Variants in INPP4B observed in about 807,000 individuals in gnomAD.
The protein encoded by INPP4B is inositol polyphosphate 4-phosphatase type II.
INPP4B carries 55 observed loss-of-function variants against 122.5 expected under a neutral mutation model. That is an observed-to-expected ratio of 0.45 (90% confidence interval 0.36 to 0.56). The LOEUF (loss-of-function observed/expected upper bound fraction) is 0.56. INPP4B is among the 20% of genes least tolerant of loss of function. INPP4B has a pLI of 0.00. For missense variants in INPP4B, 1,000 were observed against 1,097.7 expected (o/e 0.91, Z 1.26); for synonymous variants, 403 against 388.7 (o/e 1.04, Z -0.43).
At chr4:142,114,244 C>T (rs10018345) in intron 21 of INPP4B, among the ~76,000 whole-genome samples, 20,140 of 151,788 alleles carry the variant, frequency 0.13, 1,507 homozygotes, top group East Asian at 0.24. Flanking sequence ...CATGATTCGG[C>T]GTATTATTAA....
chr4:142,665,972 C>T (rs1484879862), intron 2 of INPP4B, among the ~76,000 whole-genome samples: 5 of 152,030 alleles, frequency 3.3e-5, no homozygotes, highest in Admixed American at 6.6e-5. Flanking sequence ...GAAACAATAA[C>T]AAATAATAGA....
intron 9 of INPP4B, among the ~76,000 whole-genome samples, chr4:142,277,191 T>C (rs1035319254): frequency 6.6e-6 from 1 of 151,888 alleles, no homozygotes; most frequent in African/African-American, 2.4e-5. Flanking sequence ...TTTTTTTTTT[T>C]TCTTGCTGAT....
intron 15 of INPP4B, among the ~76,000 whole-genome samples, chr4:142,186,856 C>A (rs1211741689): frequency 6.6e-6 from 1 of 152,114 alleles, no homozygotes; most frequent in Non-Finnish European, 1.5e-5. Context: ...GCTTTGCAGG[C>A]CTCATTATTT....
chr4:142,833,647 G>A (rs745656687), intron 1 of INPP4B, among the ~76,000 whole-genome samples: 13 of 151,054 alleles, frequency 8.6e-5, no homozygotes, highest in Non-Finnish European at 1.5e-4. Context: ...TTTTTTTAAA[G>A]ACAGGGTATT....
intron 1 of INPP4B, among the ~76,000 whole-genome samples, chr4:142,728,466 A>G (rs1046758329): frequency 3.3e-5 from 5 of 152,190 alleles, no homozygotes; most frequent in African/African-American, 1.2e-4. Context: ...GATCTTATTC[A>G]GAAAGAATCT....
At chr4:142,581,095 G>A (rs150271259) in intron 2 of INPP4B, among the ~76,000 whole-genome samples, 1 of 151,894 alleles carries the variant, frequency 6.6e-6, no homozygotes, top group African/African-American at 2.4e-5. Context: ...GCCATCTTTT[G>A]TCATTATTTG....
intron 2 of INPP4B, among the ~76,000 whole-genome samples, chr4:142,557,123 GAGCGT>G (rs1466397512): frequency 6.6e-6 from 1 of 152,150 alleles, no homozygotes; most frequent in Non-Finnish European, 1.5e-5. Context: ...GTGCAGGAGT[GAGCGT>G]CTTTTAAGCA....
At chr4:142,420,470 A>G (rs1382158643) in intron 5 of INPP4B, among the ~76,000 whole-genome samples, 2 of 152,136 alleles carry the variant, frequency 1.3e-5, no homozygotes, top group Non-Finnish European at 2.9e-5. Context: ...AGAACATGCT[A>G]AATCTTGGTC....
In INPP4B at chr4:142,403,021, T is replaced by C. The variant is rs1802148038; in HGVS notation, c.289A>G (p.Thr97Ala). 1 of 1,610,976 alleles carries C rather than the reference T, an allele frequency of 6.2e-7. No homozygotes were observed. Among genetic ancestry groups the C allele is most frequent in the South Asian group, 1.1e-5 (1 of 91,004 alleles). The change falls in exon 7 of 26, where the codon ACA becomes GCA. Residue 97 changes from threonine to alanine, a missense_variant. Thr to Ala is a moderately conservative substitution (Grantham distance 58, BLOSUM62 0). Transcript: ENST00000262992. ...TRDPLFLTGV[T>A]FPSEYPIYEE... is the part of the protein sequence containing the mutation. ...TAGATGGGATACTCAGATGGGAATG[T>C]GACACCAGTCAAAAACAGTGGGTCC...
Position 142,679,346 on chromosome 4 carries a change from G to A in INPP4B, c.-191+46493C>T, listed in dbSNP as rs1482153602. 2.0e-5 allele frequency among the ~76,000 whole-genome samples: 3 copies of A among 151,864 alleles called. No individual in the cohort carries two copies. The East Asian group carries it at 5.8e-4, about 29-fold the overall frequency. ...ATGAGATTAGTGCAGTCCCTTAAAA[G>A]TTTCTTGGAAATAGTGAGGGTATTT... On this transcript the variant is annotated intron_variant, in intron 2 of 25. Coordinates refer to ENST00000262992, the MANE Select transcript of INPP4B (RefSeq NM_001101669.3).
chr4:142,184,572 C>T (rs958768066), intron 15 of INPP4B, among the ~76,000 whole-genome samples: 1 of 152,084 alleles, frequency 6.6e-6, no homozygotes, highest in Non-Finnish European at 1.5e-5. Context: ...TCATTCATTC[C>T]CCCATATATA....
intron 9 of INPP4B, among the ~76,000 whole-genome samples, chr4:142,280,857 G>A (rs1338577328): frequency 1.3e-5 from 2 of 151,860 alleles, no homozygotes; most frequent in African/African-American, 4.8e-5. Flanking sequence ...ATTAAAGTAT[G>A]GATTTTATCC....
At chr4:142,349,848 A>C (rs1340387369) in intron 7 of INPP4B, among the ~76,000 whole-genome samples, 2 of 151,826 alleles carry the variant, frequency 1.3e-5, no homozygotes, top group African/African-American at 4.8e-5. Flanking sequence ...TTTTATGCTC[A>C]AGTAATTCCA....
intron 2 of INPP4B, among the ~76,000 whole-genome samples, chr4:142,612,973 A>C (rs116280506): frequency 0.012 from 1,753 of 152,310 alleles, 31 homozygotes; most frequent in African/African-American, 0.032. Flanking sequence ...GCAATCAGAA[A>C]TAATGTAAGT....
intron 14 of INPP4B, among the ~76,000 whole-genome samples, chr4:142,197,257 G>A (rs2149404258): frequency 6.6e-6 from 1 of 151,980 alleles, no homozygotes; most frequent in South Asian, 2.1e-4. Flanking sequence ...AGTTACAACA[G>A]CAATTCCACA....
At chr4:142,632,661 A>C (rs940127212) in intron 2 of INPP4B, among the ~76,000 whole-genome samples, 1 of 152,094 alleles carries the variant, frequency 6.6e-6, no homozygotes, top group African/African-American at 2.4e-5. Context: ...AAAGAATTAA[A>C]TACCCAATGA....
In INPP4B at chr4:142,230,881, G is replaced by A. The variant is rs558019914; in HGVS notation, c.836+6983C>T. On this transcript the variant is annotated intron_variant, in intron 12 of 25. Transcript: ENST00000262992. ...CCCATATGAGCCTTTCTTCACAGCA[G>A]TAAACAACTTGAGAGATATCTAACA... 2.4e-4 allele frequency among the ~76,000 whole-genome samples: 36 copies of A among 152,252 alleles called. 1 individual carries two copies. The South Asian group carries it at 7.2e-3, about 31-fold the overall frequency.
chr4:142,118,445 G>A (rs1451963976), intron 21 of INPP4B, among the ~76,000 whole-genome samples: 1 of 152,012 alleles, frequency 6.6e-6, no homozygotes, highest in Admixed American at 6.6e-5. Context: ...CCAAAACAGA[G>A]ACATAGACCA....
chr4:142,663,620 A>G (rs1755564611), intron 2 of INPP4B, among the ~76,000 whole-genome samples: 1 of 152,048 alleles, frequency 6.6e-6, no homozygotes, highest in Non-Finnish European at 1.5e-5. Flanking sequence ...ACTTAACTGT[A>G]TATTTTTTGA....
Sources: gnomAD v4.1 joint callset for allele counts (sites outside exome capture counted in the v4.1 genomes callset) on GRCh38, gnomAD v4.1.1 for gene constraint, MANE v1.5 for transcripts, NCBI Gene and HGNC (gene_info 2026-07-23, HGNC 2026-07-21) for gene names.